The following FSHR variants were observed in gnomAD, a reference collection of about 807,000 sequenced individuals.
FSHR encodes follicle-stimulating hormone receptor.
FSHR carries 46 observed loss-of-function variants against 52.1 expected under a neutral mutation model. The observed-to-expected ratio is 0.88, with a 90% confidence interval of 0.70 to 1.13. FSHR has a LOEUF of 1.13. Ranked by LOEUF, FSHR falls within the 50% of genes most tolerant of loss-of-function variation. The probability of loss-of-function intolerance (pLI) is 0.00; values close to 1 mark genes in which losing one functional copy is unlikely to be tolerated. For missense variants in FSHR, 964 were observed against 834.6 expected (o/e 1.16, Z -1.91); for synonymous variants, 399 against 309.6 (o/e 1.29, Z -3.03).
At chr2:48,967,376 GGT>G (rs1384264295) in intron 9 of FSHR, among the ~76,000 whole-genome samples, 3 of 152,132 alleles carry the variant, frequency 2.0e-5, no homozygotes, top group African/African-American at 7.2e-5. Flanking sequence ...TGGGGTTATG[GGT>G]GTCAGCCACC....
At chr2:49,068,322 C>T (rs1236736516) in intron 1 of FSHR, 32 bp from the exon 2 acceptor site, 2 of 1,554,248 alleles carry the variant, frequency 1.3e-6, no homozygotes, top group Admixed American at 3.3e-5. Context: ...AATATCACAA[C>T]CTATCCATTA....
intron 1 of FSHR, among the ~76,000 whole-genome samples, chr2:49,126,828 C>T (rs1672017102): frequency 6.6e-6 from 1 of 152,224 alleles, no homozygotes; most frequent in Non-Finnish European, 1.5e-5. Flanking sequence ...ACACACCTCT[C>T]AAGATAGAAT....
chr2:49,048,072 G>A (rs1375498080), intron 2 of FSHR, among the ~76,000 whole-genome samples: 1 of 152,006 alleles, frequency 6.6e-6, no homozygotes, highest in Non-Finnish European at 1.5e-5. Context: ...TTTTAGTAGA[G>A]ATGGGCTTTC....
chr2:48,995,162 A>G (rs1355799350), intron 4 of FSHR, among the ~76,000 whole-genome samples: 2 of 152,120 alleles, frequency 1.3e-5, no homozygotes, highest in Non-Finnish European at 1.5e-5. Context: ...GCACTGGTCT[A>G]TGTGCCATCC....
intron 2 of FSHR, among the ~76,000 whole-genome samples, chr2:49,029,132 A>G (rs1198811596): frequency 6.6e-6 from 1 of 152,228 alleles, no homozygotes; most frequent in Non-Finnish European, 1.5e-5. Flanking sequence ...AAAAGAAATA[A>G]CCAAAAATTC....
chr2:48,990,362 G>A (rs1251193118), intron 5 of FSHR, among the ~76,000 whole-genome samples: 1 of 152,128 alleles, frequency 6.6e-6, no homozygotes, highest in African/African-American at 2.4e-5. Flanking sequence ...TCTTATTGAA[G>A]GGTCTTTCAG....
intron 3 of FSHR, among the ~76,000 whole-genome samples, chr2:49,019,076 T>C (rs971158919): frequency 6.6e-6 from 1 of 152,218 alleles, no homozygotes; most frequent in Admixed American, 6.5e-5. Context: ...CTTTCTTAAA[T>C]GTGTTCCATG....
intron 8 of FSHR, among the ~76,000 whole-genome samples, chr2:48,975,105 A>G (rs551916524): frequency 7.9e-5 from 12 of 152,146 alleles, no homozygotes; most frequent in Non-Finnish European, 1.6e-4. Flanking sequence ...GAATATTCAG[A>G]TAGTTGGTAA....
At chr2:49,017,820 C>T (rs1051057959) in intron 3 of FSHR, among the ~76,000 whole-genome samples, 7 of 152,110 alleles carry the variant, frequency 4.6e-5, no homozygotes, top group African/African-American at 1.4e-4. Flanking sequence ...GCCCTGTCCG[C>T]TGGAGGCAAA....
chr2:48,979,634 C>A (rs369636760), intron 8 of FSHR, among the ~76,000 whole-genome samples: 1 of 152,144 alleles, frequency 6.6e-6, no homozygotes, highest in Non-Finnish European at 1.5e-5. Flanking sequence ...TTGCCCCTTA[C>A]CTTAATTCAG....
intron 1 of FSHR, among the ~76,000 whole-genome samples, chr2:49,137,891 G>C (rs1672542551): frequency 6.6e-6 from 1 of 151,932 alleles, no homozygotes; most frequent in African/African-American, 2.4e-5. Flanking sequence ...TCTTGGATTT[G>C]GCAAAGGATT....
Position 48,968,839 on chromosome 2 carries a change from A to G in FSHR, c.713T>C (p.Leu238Ser). 6.2e-7 allele frequency: 1 copy of G among 1,614,052 alleles called. No homozygotes were observed. The highest frequency in any genetic ancestry group is 8.5e-7 in the Non-Finnish European group (1 of 1,179,984). ...TRIHSLPSYG[L>S]ENLKKLRARS... The stretch of plus-strand genomic sequence containing the variant: ...GGCCCTCAGCTTCTTAAGATTTTCT[A>G]AGCCATAGCTAGGCAGGGAATGGAT... The change falls in exon 9 of 10, where the codon TTA becomes TCA. Residue 238 changes from leucine to serine, a missense_variant. Physicochemically the swap from Leu to Ser is moderately radical, Grantham distance 145. Transcript: ENST00000406846.
At chr2:48,981,922 A>G (rs111786988) in intron 8 of FSHR, among the ~76,000 whole-genome samples, 6 of 152,356 alleles carry the variant, frequency 3.9e-5, no homozygotes, top group African/African-American at 7.2e-5. Flanking sequence ...GGCAGGCTAC[A>G]TAAGGATCAT....
At chr2:49,074,120 G>A (rs1372556893) in intron 1 of FSHR, among the ~76,000 whole-genome samples, 2 of 152,130 alleles carry the variant, frequency 1.3e-5, no homozygotes, top group African/African-American at 4.8e-5. Context: ...CAGAGCATTG[G>A]TCTGGGAAAA....
chr2:48,978,996 T>A (rs532236579), intron 8 of FSHR, among the ~76,000 whole-genome samples: 1 of 152,252 alleles, frequency 6.6e-6, no homozygotes. Context: ...GTGGAGGAGA[T>A]ATTTTGGAGA....
intron 1 of FSHR, among the ~76,000 whole-genome samples, chr2:49,130,347 A>T (rs932596969): frequency 6.6e-6 from 1 of 152,156 alleles, no homozygotes; most frequent in Non-Finnish European, 1.5e-5. Context: ...TCCTGGGGTA[A>T]ATCGCTTAAT....
chr2:49,152,661 T>A (rs1673105074), intron 1 of FSHR, among the ~76,000 whole-genome samples: 1 of 152,160 alleles, frequency 6.6e-6, no homozygotes, highest in African/African-American at 2.4e-5. Context: ...TGGGTCTGTT[T>A]GTTTTATCAA....
At chr2:49,043,075 AG>A (rs1483195473) in intron 2 of FSHR, among the ~76,000 whole-genome samples, 1 of 152,148 alleles carries the variant, frequency 6.6e-6, no homozygotes, top group African/African-American at 2.4e-5. Flanking sequence ...GACTTCCTCT[AG>A]GGGACATCAG....
chr2:49,023,272 T>C (rs1235287520), intron 2 of FSHR, among the ~76,000 whole-genome samples: 1 of 152,202 alleles, frequency 6.6e-6, no homozygotes, highest in Non-Finnish European at 1.5e-5. Flanking sequence ...TTTTTGGTCA[T>C]TGTCTAATTC....
Sources: allele counts gnomAD v4.1 joint callset (sites outside exome capture counted in the v4.1 genomes callset), GRCh38; gene constraint gnomAD v4.1.1; transcripts MANE v1.5; gene names NCBI Gene and HGNC (gene_info 2026-07-23, HGNC 2026-07-21).